YES1: variants seen among roughly 807,000 people sequenced by gnomAD.
YES1 encodes tyrosine-protein kinase Yes.
In YES1, 39 loss-of-function variants were observed where a neutral mutation model predicts 70.4. That is an observed-to-expected ratio of 0.55 (90% CI 0.43 to 0.72). The LOEUF (loss-of-function observed/expected upper bound fraction) is 0.72, where lower values mean the gene tolerates loss of function less well. Ranked by LOEUF, YES1 falls within the 30% of genes least tolerant of loss-of-function variation. YES1 has a pLI of 0.00. For synonymous variants in YES1, 198 were observed against 218.6 expected, an observed-to-expected ratio of 0.91 and a Z score of 0.83; for missense variants, 495 against 644.8, an observed-to-expected ratio of 0.77 and a Z score of 2.52.
intron 1 of YES1, among the ~76,000 whole-genome samples, chr18:784,386 T>A (rs1905831420): frequency 6.6e-6 from 1 of 152,206 alleles, no homozygotes; most frequent in Non-Finnish European, 1.5e-5. Flanking sequence ...AGGTTTTGGT[T>A]CTATGTCACA....
chr18:798,148 CTT>C (rs1403458357), intron 1 of YES1: 2 of 152,084 alleles, frequency 1.3e-5, no homozygotes, highest in Admixed American at 6.5e-5. Flanking sequence ...TGTCTATTTT[CTT>C]TTTGTTTGTT....
At chr18:751,917 T>C in intron 2 of YES1, 113 bp from the exon 3 acceptor site, 2 of 706,982 alleles carry the variant, frequency 2.8e-6, no homozygotes, top group Non-Finnish European at 4.9e-6. Context: ...TTTTCTGTAG[T>C]CTCCAGAAAC....
At chr18:729,819 G>C (rs996097869) in intron 11 of YES1, among the ~76,000 whole-genome samples, 5 of 151,916 alleles carry the variant, frequency 3.3e-5, no homozygotes, top group African/African-American at 1.2e-4. Context: ...CAGAGATGGG[G>C]TTTTACCATC....
intron 1 of YES1, among the ~76,000 whole-genome samples, chr18:795,151 G>A (rs754189220): frequency 2.4e-4 from 36 of 152,130 alleles, no homozygotes; most frequent in Non-Finnish European, 4.6e-4. Flanking sequence ...AACTGAATCC[G>A]CAACTGCAAA....
intron 3 of YES1, 91 bp downstream of exon 3, chr18:751,614 T>A: frequency 1.2e-6 from 1 of 861,860 alleles, no homozygotes; most frequent in Non-Finnish European, 1.9e-6. Flanking sequence ...CCTACCTCTC[T>A]CATCTCTGGA....
chr18:736,135 T>C (rs951855669), intron 10 of YES1: 60 of 152,702 alleles, frequency 3.9e-4, no homozygotes, highest in African/African-American at 1.4e-3. Context: ...ATCACGCCAC[T>C]ATACTCTAGC....
chr18:759,820 A>G (rs1369832393), intron 1 of YES1, among the ~76,000 whole-genome samples: 1 of 151,526 alleles, frequency 6.6e-6, no homozygotes, highest in Non-Finnish European at 1.5e-5. Context: ...TTAACTCGTC[A>G]TTTACATTAG....
intron 1 of YES1, among the ~76,000 whole-genome samples, chr18:810,319 T>C (rs1020714049): frequency 1.3e-5 from 2 of 152,334 alleles, no homozygotes; most frequent in East Asian, 1.9e-4. Flanking sequence ...TTTACTTGCA[T>C]AGACATTAAT....
chr18:722,183 A>AG lies in YES1; in HGVS notation c.*2240dup, dbSNP rs1568177886. ...ATGCTTAGAAAAATTACAATATCATAGTTCACATAAAGCCCTTAAAAAATC... is the reference window on the plus strand; with the variant it reads ...ATGCTTAGAAAAATTACAATATCATAGGTTCACATAAAGCCCTTAAAAAATC... On this transcript the variant is annotated 3_prime_UTR_variant, in exon 12 of 12. Transcript: ENST00000314574. 2 of 152,674 alleles carry AG rather than the reference A, an allele frequency of 1.3e-5. No individual in the cohort carries two copies. Among genetic ancestry groups the AG allele is most frequent in the Non-Finnish European group, 2.9e-5 (2 of 68,044 alleles). The allele number at this position is 152,674 out of a possible 1,614,324, so 9.5% of individuals were successfully genotyped here. A position where few individuals can be genotyped will look rare whatever the true frequency, so the allele number is the denominator to read the frequency against.
chr18:756,480 G>A (rs1007382203), intron 2 of YES1, 77 bp downstream of exon 2: 1 of 1,525,460 alleles, frequency 6.6e-7, no homozygotes, highest in African/African-American at 1.4e-5. Context: ...CTTTCTTAAA[G>A]GCAGACAAGC....
At chr18:786,363 A>G (rs933804188) in intron 1 of YES1, among the ~76,000 whole-genome samples, 5 of 152,078 alleles carry the variant, frequency 3.3e-5, no homozygotes, top group Admixed American at 6.6e-5. Flanking sequence ...GCTTCACATA[A>G]GAGTGTCAAG....
intron 10 of YES1, among the ~76,000 whole-genome samples, chr18:734,282 C>T (rs2080125661): frequency 6.6e-6 from 1 of 150,568 alleles, no homozygotes; most frequent in Admixed American, 6.7e-5. Context: ...TGGCCAGGCG[C>T]GGTGGCTCAC....
At chr18:737,029 G>A in intron 9 of YES1, 68 bp from the exon 10 acceptor site, 2 of 1,289,232 alleles carry the variant, frequency 1.6e-6, no homozygotes, top group South Asian at 1.5e-5. Flanking sequence ...AGACAATTAT[G>A]GTTAATATCA....
At chr18:793,548 G>A (rs1486486741) in intron 1 of YES1, among the ~76,000 whole-genome samples, 1 of 151,944 alleles carries the variant, frequency 6.6e-6, no homozygotes, top group Admixed American at 6.6e-5. Context: ...AATTGCTCAG[G>A]CTGGTCTCAA....
Position 732,871 on chromosome 18 carries a change from T to C in YES1, c.1386A>G (p.Gln462=), listed in dbSNP as rs748180592. 8.1e-5 allele frequency: 130 copies of C among 1,614,136 alleles called. 2 individuals carry two copies. In the South Asian group the frequency reaches 1.4e-3, roughly 17 times the overall value. Residue 462 remains glutamine, a synonymous_variant, in exon 11 of 12, where the codon CAA becomes CAG. Transcript: ENST00000314574. The part of the protein sequence containing the change: ...KSDVWSFGIL[Q]TELVTKGRVP... Reference sequence around the variant, plus strand: ...CTCGGCCCTTTGTTACTAGTTCTGTTTGCAGAATTCCAAATGACCAGACAT... The same window carrying C: ...CTCGGCCCTTTGTTACTAGTTCTGTCTGCAGAATTCCAAATGACCAGACAT...
intron 1 of YES1, among the ~76,000 whole-genome samples, chr18:799,122 C>T (rs1055193703): frequency 1.3e-5 from 2 of 152,184 alleles, no homozygotes; most frequent in Non-Finnish European, 2.9e-5. Flanking sequence ...AAGATACCAT[C>T]GATGCCCATA....
chr18:742,041 A>G (rs1281919141), intron 8 of YES1, among the ~76,000 whole-genome samples: 1 of 152,186 alleles, frequency 6.6e-6, no homozygotes, highest in East Asian at 1.9e-4. Flanking sequence ...AGATGGAACT[A>G]CATCATTGAC....
intron 10 of YES1, among the ~76,000 whole-genome samples, chr18:733,375 T>C (rs895321933): frequency 3.9e-5 from 6 of 152,214 alleles, no homozygotes; most frequent in South Asian, 4.1e-4. Flanking sequence ...ACTTTTTATA[T>C]CATTCTGGAA....
chr18:745,128 A>G lies in YES1; in HGVS notation c.724+580T>C, dbSNP rs138624502. Among the ~76,000 whole-genome samples the G allele has an allele frequency of 1.5e-4, 23 of 152,306 alleles. No homozygotes were observed. In the East Asian group the frequency reaches 4.4e-3, roughly 29 times the overall value. ...TCCCCTCTCCTAGTATTAATCATGT[A>G]AAGACTTTCAGGTGCATTCATATGC... On this transcript the variant is annotated intron_variant, in intron 6 of 11. Transcript: ENST00000314574.
Sources: allele counts gnomAD v4.1 joint callset (sites outside exome capture counted in the v4.1 genomes callset), GRCh38; gene constraint gnomAD v4.1.1; transcripts MANE v1.5; gene names NCBI Gene and HGNC (gene_info 2026-07-23, HGNC 2026-07-21).